Variants in DDX24 observed in about 807,000 individuals in gnomAD.
DDX24 encodes DEAD-box helicase 24, also known as ATP-dependent RNA helicase DDX24.
Under a neutral mutation model 68.9 loss-of-function variants are expected in DDX24, and 24 were observed. The observed-to-expected ratio is 0.35, with a 90% CI of 0.25 to 0.49. The LOEUF is 0.49. Ranked by LOEUF, DDX24 falls within the 20% of genes least tolerant of loss-of-function variation. The probability of loss-of-function intolerance (pLI) is 0.99; values close to 1 mark genes in which losing one functional copy is unlikely to be tolerated. For synonymous variants in DDX24, 395 were observed against 385.2 expected, an observed-to-expected ratio of 1.03 and a Z score of -0.30; for missense variants, 989 against 1,039.0, an observed-to-expected ratio of 0.95 and a Z score of 0.66.
intron 3 of DDX24, 73 bp downstream of exon 3, chr14:94,062,024 A>G: frequency 6.8e-7 from 1 of 1,462,590 alleles, no homozygotes; most frequent in Admixed American, 2.3e-5. Context: ...CAGGAGCCAC[A>G]GCTCATTCAT....
Position 94,079,519 on chromosome 14 carries a change from T to C in DDX24, c.224A>G (p.Lys75Arg). The C allele has an allele frequency of 6.2e-7, 1 of 1,614,178 alleles. No individual in the cohort carries two copies. Among genetic ancestry groups the C allele is most frequent in the African/African-American group, 1.3e-5 (1 of 75,056 alleles). ...TTCTGAAACAGCTTGTGCCTTTCTC[T>C]TGGGTGCTTCCTTTGAGAAGAGACT... ...PSSLFSKEAPKRKAQAVSEEE... is the reference protein window; with the variant it reads ...PSSLFSKEAPRRKAQAVSEEE... The change falls in exon 2 of 9, where the codon AAG becomes AGG. Residue 75 changes from lysine (K) to arginine (R), a missense_variant. Transcript: ENST00000621632.
intron 8 of DDX24, chr14:94,051,766 C>T: frequency 3.2e-6 from 1 of 309,626 alleles, no homozygotes; most frequent in East Asian, 5.3e-5. Flanking sequence ...CATCACAGAG[C>T]CAGTCATCAG....
chr14:94,054,937 G>C, intron 7 of DDX24, 59 bp downstream of exon 7: 2 of 1,557,748 alleles, frequency 1.3e-6, no homozygotes, highest in Non-Finnish European at 1.8e-6. Context: ...ACAGCAAGGT[G>C]CTCTGCAAGG....
Position 94,079,605 on chromosome 14 carries a change from G to A in DDX24, c.138C>T (p.Asp46=). 6.2e-7 allele frequency: 1 copy of A among 1,614,164 alleles called. No homozygotes were observed. Among genetic ancestry groups the A allele is most frequent in the Non-Finnish European group, 8.5e-7 (1 of 1,180,034 alleles). The part of the protein sequence containing the change: ...PNMFADGQMD[D]LVCFEELTDY... ...CTGTCAATTCCTCAAAGCACACCAA[G>A]TCATCCATCTGTCCATCTGCAAACA... Residue 46 remains aspartate, a synonymous_variant, in exon 2 of 9, where the codon GAC becomes GAT. Coordinates refer to ENST00000621632, the MANE Select transcript of DDX24 (RefSeq NM_020414.4).
chr14:94,068,446 A>C (rs1885752400), intron 2 of DDX24, among the ~76,000 whole-genome samples: 2 of 152,230 alleles, frequency 1.3e-5, no homozygotes, highest in Admixed American at 1.3e-4. Context: ...ACAGCACTAG[A>C]CAGATCATCA....
At position 94,079,178 on chromosome 14, in the gene DDX24, C is replaced by A; in HGVS notation, c.565G>T (p.Ala189Ser). The A allele has an allele frequency of 6.2e-7, 1 of 1,614,222 alleles. No homozygotes were observed. Among genetic ancestry groups the A allele is most frequent in the South Asian group, 1.1e-5 (1 of 91,084 alleles). The change falls in exon 2 of 9, where the codon GCA (alanine) becomes TCA (serine). Residue 189 changes from alanine (A) to serine (S), a missense_variant. By Grantham distance (99) the Ala-to-Ser change is moderately conservative (BLOSUM62 1). This residue lies in a region of DDX24 where 295 missense variants were observed against 263.0 expected (regional missense o/e 1.12). Transcript: ENST00000621632. ...AGGTCCTTCCAAGCTGACACATCTG[C>A]TTTCTGATCATGAACTTCAGGAATC... ...TWIPEVHDQK[A>S]DVSAWKDLFV...
intron 2 of DDX24, among the ~76,000 whole-genome samples, chr14:94,071,303 T>A (rs1390022432): frequency 6.6e-6 from 1 of 152,152 alleles, no homozygotes; most frequent in Non-Finnish European, 1.5e-5. Flanking sequence ...AACCACAATG[T>A]GATACCACCT....
At chr14:94,056,417 T>G (rs536392977) in intron 6 of DDX24, 1 of 152,196 alleles carries the variant, frequency 6.6e-6, no homozygotes, top group Admixed American at 6.5e-5. Context: ...CCCAATGAAG[T>G]CTCCATAAAT....
At chr14:94,056,123 C>T (rs1885487123) in intron 6 of DDX24, 1 of 152,196 alleles carries the variant, frequency 6.6e-6, no homozygotes, top group African/African-American at 2.4e-5. Context: ...AAAGGTTGAC[C>T]CAGCTCCTTC....
chr14:94,069,185 T>C (rs1447749357), intron 2 of DDX24, among the ~76,000 whole-genome samples: 2 of 151,810 alleles, frequency 1.3e-5, no homozygotes, highest in Non-Finnish European at 2.9e-5. Flanking sequence ...ACAGGAGATA[T>C]TACAACTGAA....
chr14:94,054,478 T>C (rs1177151173), intron 7 of DDX24, among the ~76,000 whole-genome samples: 3 of 152,192 alleles, frequency 2.0e-5, no homozygotes, highest in Admixed American at 1.3e-4. Flanking sequence ...ACTGCTCCAC[T>C]GTACCTGAAC....
At chr14:94,080,884 C>CGAAACCGA (rs1192301797) in intron 1 of DDX24, among the ~76,000 whole-genome samples, 2 of 152,256 alleles carry the variant, frequency 1.3e-5, no homozygotes, top group Admixed American at 6.5e-5. Flanking sequence ...AACGCGCGCA[C>CGAAACCGA]GAAACCGAGA....
At chr14:94,078,434 C>A (rs1885990502) in intron 2 of DDX24, among the ~76,000 whole-genome samples, 1 of 152,202 alleles carries the variant, frequency 6.6e-6, no homozygotes, top group African/African-American at 2.4e-5. Context: ...CTCGCAGGAA[C>A]CTCAAACACA....
At position 94,061,020 on chromosome 14, in the gene DDX24, C is replaced by G. The variant is rs1470573267; in HGVS notation, c.1290G>C (p.Gln430His). The G allele has an allele frequency of 6.2e-7, 1 of 1,614,120 alleles. No individual in the cohort carries two copies. The change falls in exon 4 of 9, where the codon CAG becomes CAC. Residue 430 changes from glutamine to histidine, a missense_variant. Around this residue, in one of 3 missense-constraint regions of DDX24, gnomAD observed 691 missense variants for 760.0 expected, o/e 0.91. Coordinates refer to ENST00000621632, the MANE Select transcript of DDX24 (RefSeq NM_020414.4). The part of the protein sequence containing the change: ...ILVGGMSTQK[Q>H]QRMLNRRPEI... ...CAGGACGACGGTTCAGCATCCTCTG[C>G]TGTTTCTGCGTGGACATTCCACCAA...
chr14:94,050,963 C>T lies in DDX24; in HGVS notation c.*228G>A, dbSNP rs966824126. On this transcript the variant is annotated 3_prime_UTR_variant, in exon 9 of 9. Transcript: ENST00000621632. ...AATTTATGAAATCAAGTTTAACACA[C>T]AAGAAGCCTATAAACACTGCAATAC... The T allele has an allele frequency of 4.2e-5, 17 of 402,698 alleles. No individual in the cohort carries two copies. Among genetic ancestry groups the T allele is most frequent in the African/African-American group, 2.9e-4 (14 of 48,360 alleles). 24.9% of individuals were successfully genotyped at this position (402,698 alleles called of 1,614,324 possible).
chr14:94,048,303 A>G lies in DDX24; in HGVS notation c.*2888T>C, dbSNP rs1205588623. The G allele has an allele frequency of 6.6e-6, 1 of 152,230 alleles. No individual in the cohort carries two copies. The highest frequency in any genetic ancestry group is 1.5e-5 in the Non-Finnish European group (1 of 68,046). The allele number at this position is 152,230 out of a possible 1,614,324, so 9.4% of individuals were successfully genotyped here. A position where few individuals can be genotyped will look rare whatever the true frequency, so the allele number is the denominator to read the frequency against. On this transcript the variant is annotated 3_prime_UTR_variant, in exon 9 of 9. Transcript: ENST00000621632. ...TTTGAGAGCTTGTTTTTACAACTGC[A>G]TGTTTATTATGATACTTTCTCTCCA...
At chr14:94,052,825 C>T (rs1885412648) in intron 8 of DDX24, among the ~76,000 whole-genome samples, 173 bp downstream of exon 8, 1 of 152,210 alleles carries the variant, frequency 6.6e-6, no homozygotes, top group Non-Finnish European at 1.5e-5. Context: ...ACAGAGGAAA[C>T]AAAGACTGAC....
At chr14:94,077,447 G>A (rs1235951481) in intron 2 of DDX24, among the ~76,000 whole-genome samples, 1 of 152,182 alleles carries the variant, frequency 6.6e-6, no homozygotes, top group African/African-American at 2.4e-5. Context: ...ACATACCAAA[G>A]CAGTGTAGCA....
In DDX24 at chr14:94,060,753, C is replaced by T. The variant is rs1049487953; in HGVS notation, c.1398-140G>A. The T allele has an allele frequency of 3.3e-5, 48 of 1,456,888 alleles. No individual in the cohort carries two copies. In the African/African-American group the frequency reaches 4.6e-4, roughly 14 times the overall value. The allele number at this position is 1,456,888 out of a possible 1,614,324, so 90.2% of individuals were successfully genotyped here. ...ACCACCACCACCATCAGGCCCTCAA[C>T]TAATCTCCCTCATGCACTCTTGGCT... On this transcript the variant is annotated intron_variant, in intron 4 of 8. Transcript: ENST00000621632.
Sources: allele counts gnomAD v4.1 joint callset (sites outside exome capture counted in the v4.1 genomes callset), GRCh38; gene constraint gnomAD v4.1.1; regional missense constraint gnomAD v4.1.1; transcripts MANE v1.5; gene names NCBI Gene and HGNC (gene_info 2026-07-23, HGNC 2026-07-21).